Variants in RDX observed in about 807,000 individuals in gnomAD.
RDX encodes deafness, autosomal recessive 24.
In RDX, 32 loss-of-function variants were observed where a neutral mutation model predicts 83.7. The ratio of observed to expected loss-of-function variants is 0.38; its 90% CI spans 0.29 to 0.51. RDX has a LOEUF of 0.51. RDX is among the 20% of genes least tolerant of loss of function. RDX has a pLI of 0.87. For missense variants in RDX, 600 were observed against 689.9 expected, an observed-to-expected ratio of 0.87 and a Z score of 1.46; for synonymous variants, 229 against 222.7, an observed-to-expected ratio of 1.03 and a Z score of -0.25.
intron 2 of RDX, among the ~76,000 whole-genome samples, chr11:110,278,868 AAAC>A (rs986724326): frequency 1.3e-5 from 2 of 152,082 alleles, no homozygotes; most frequent in Non-Finnish European, 2.9e-5. Context: ...CAAAAAAAAA[AAAC>A]AACTCACTTT....
intron 15 of RDX, among the ~76,000 whole-genome samples, chr11:110,186,267 C>T (rs1212707791): frequency 6.6e-6 from 1 of 151,940 alleles, no homozygotes; most frequent in Non-Finnish European, 1.5e-5. Flanking sequence ...GTCTTTCTGC[C>T]CTGTGCAGAA....
intron 14 of RDX, among the ~76,000 whole-genome samples, chr11:110,206,558 G>A (rs138622198): frequency 4.1e-4 from 63 of 152,278 alleles, no homozygotes; most frequent in African/African-American, 1.5e-3. Context: ...GGAACATGCA[G>A]TGCCAGTTAC....
intron 9 of RDX, among the ~76,000 whole-genome samples, chr11:110,251,197 T>C (rs184335453): frequency 2.3e-4 from 35 of 152,360 alleles, no homozygotes; most frequent in African/African-American, 8.2e-4. Flanking sequence ...AATGCAGTTG[T>C]TCTATTTCAA....
intron 1 of RDX, chr11:110,288,500 A>T (rs1160698854): frequency 6.6e-6 from 1 of 152,250 alleles, no homozygotes; most frequent in Non-Finnish European, 1.5e-5. Flanking sequence ...CAAGTCACTT[A>T]TATAACAGGA....
At chr11:110,191,554 C>T (rs1277770267) in intron 15 of RDX, among the ~76,000 whole-genome samples, 1 of 152,174 alleles carries the variant, frequency 6.6e-6, no homozygotes, top group Non-Finnish European at 1.5e-5. Flanking sequence ...GTACTTGAAA[C>T]CTTAGCAAGA....
At chr11:110,252,714 G>A (rs1192606272) in intron 9 of RDX, among the ~76,000 whole-genome samples, 3 of 152,190 alleles carry the variant, frequency 2.0e-5, no homozygotes, top group African/African-American at 4.8e-5. Flanking sequence ...ACAATGTAAT[G>A]CTACAGCACA....
chr11:110,178,394 C>T (rs1209200672), intron 15 of RDX, among the ~76,000 whole-genome samples: 2 of 152,188 alleles, frequency 1.3e-5, no homozygotes, highest in African/African-American at 4.8e-5. Context: ...TGCTAAGTTA[C>T]ATGCCAAAGA....
chr11:110,199,903 A>G (rs1863343825), intron 14 of RDX, among the ~76,000 whole-genome samples: 1 of 152,158 alleles, frequency 6.6e-6, no homozygotes, highest in Admixed American at 6.5e-5. Context: ...GGAAATAAGA[A>G]TAACTTTAAA....
chr11:110,200,801 C>T (rs1215932405), intron 14 of RDX, among the ~76,000 whole-genome samples: 2 of 152,082 alleles, frequency 1.3e-5, no homozygotes, highest in East Asian at 3.8e-4. Context: ...AGAAATAATT[C>T]GATGGTTCAA....
chr11:110,211,818 G>A (rs1863849748), intron 14 of RDX, among the ~76,000 whole-genome samples: 2 of 151,878 alleles, frequency 1.3e-5, no homozygotes, highest in Non-Finnish European at 2.9e-5. Flanking sequence ...CAGAATCTGT[G>A]AGACGCATTC....
chr11:110,248,402 A>G (rs1304536987), intron 9 of RDX, among the ~76,000 whole-genome samples: 1 of 152,248 alleles, frequency 6.6e-6, no homozygotes, highest in African/African-American at 2.4e-5. Context: ...ACACTCATGT[A>G]CGTACATACA....
rs60529536 is a variant in RDX at position 110,180,515 on chromosome 11, A to G, written c.*32-5281T>C. ...CTTCAGTTACCCATTTCCCCGGGCC[A>G]CTGTAGCAGGCAGCACACACACAGC... is the stretch of plus-strand genomic sequence containing the variant. On this transcript the variant is annotated intron_variant, in intron 15 of 15. Transcript: ENST00000528498. 1.9e-3 allele frequency among the ~76,000 whole-genome samples: 296 copies of G among 152,162 alleles called. 1 individual carries two copies. The highest frequency in any genetic ancestry group is 6.9e-3 in the African/African-American group (285 of 41,502).
At chr11:110,254,389 CTA>C (rs746918364) in intron 8 of RDX, among the ~76,000 whole-genome samples, 15 of 152,110 alleles carry the variant, frequency 9.9e-5, no homozygotes, top group Non-Finnish European at 1.9e-4. Context: ...TCGAAAGTAA[CTA>C]TGAGCACCTG....
chr11:110,200,643 C>A (rs1863368938), intron 14 of RDX, among the ~76,000 whole-genome samples: 1 of 152,124 alleles, frequency 6.6e-6, no homozygotes, highest in Non-Finnish European at 1.5e-5. Context: ...GGCAGTTTAA[C>A]CCATAATGAA....
At chr11:110,199,090 T>C (rs1384460869) in intron 15 of RDX, among the ~76,000 whole-genome samples, 3 of 152,142 alleles carry the variant, frequency 2.0e-5, no homozygotes, top group Admixed American at 6.5e-5. Flanking sequence ...GCTGGGATTA[T>C]AGGCATGAGC....
At chr11:110,285,399 G>C (rs1177549379) in intron 1 of RDX, among the ~76,000 whole-genome samples, 12 of 151,344 alleles carry the variant, frequency 7.9e-5, no homozygotes, top group African/African-American at 2.9e-4. Context: ...GAAAATAAAA[G>C]AGAATATTGT....
chr11:110,218,661 ACAAATGGG>A (rs1364025495), intron 14 of RDX, among the ~76,000 whole-genome samples: 1 of 152,194 alleles, frequency 6.6e-6, no homozygotes, highest in African/African-American at 2.4e-5. Flanking sequence ...CGTTTTCAAT[ACAAATGGG>A]CAGTCCCAGC....
intron 10 of RDX, among the ~76,000 whole-genome samples, chr11:110,240,961 C>A (rs1865070167): frequency 7.0e-6 from 1 of 142,558 alleles, no homozygotes; most frequent in Admixed American, 7.4e-5. Flanking sequence ...GAGGCTGAGG[C>A]AGGAGAATCA....
At chr11:110,266,203 T>C (rs561987952) in intron 3 of RDX, among the ~76,000 whole-genome samples, 1 of 150,046 alleles carries the variant, frequency 6.7e-6, no homozygotes, top group Non-Finnish European at 1.5e-5. Flanking sequence ...CGTGGTGGCA[T>C]GCGCCTGTAG....
Sources: allele counts gnomAD v4.1 joint callset (sites outside exome capture counted in the v4.1 genomes callset), GRCh38; gene constraint gnomAD v4.1.1; transcripts MANE v1.5; gene names NCBI Gene and HGNC (gene_info 2026-07-23, HGNC 2026-07-21).